Variants in NR6A1 observed in about 807,000 individuals in gnomAD.
NR6A1 encodes the protein nuclear receptor subfamily 6 group A member 1, also known as retinoic acid receptor-related testis-associated receptor.
A neutral mutation model predicts 59.1 loss-of-function variants in NR6A1; 7 were observed. The observed-to-expected ratio is 0.12, with a 90% confidence interval of 0.07 to 0.22. NR6A1 has a LOEUF of 0.22. NR6A1 is among the 10% of genes least tolerant of loss of function. The pLI, the probability that NR6A1 is intolerant of heterozygous loss-of-function variation, is 1.00. For missense variants in NR6A1, 468 were observed against 611.6 expected, an observed-to-expected ratio of 0.77 and a Z score of 2.48; for synonymous variants, 243 against 236.1, an observed-to-expected ratio of 1.03 and a Z score of -0.27.
chr9:124,631,993 T>A (rs1474310193), intron 2 of NR6A1, among the ~76,000 whole-genome samples: 2 of 152,202 alleles, frequency 1.3e-5, no homozygotes, highest in Admixed American at 6.5e-5. Flanking sequence ...GCAAAAGACA[T>A]GATCTTGTAT....
At chr9:124,705,625 C>T (rs1338845942) in intron 2 of NR6A1, among the ~76,000 whole-genome samples, 1 of 152,178 alleles carries the variant, frequency 6.6e-6, no homozygotes, top group Non-Finnish European at 1.5e-5. Context: ...CTAACCATCT[C>T]TACCTTTTGA....
At chr9:124,673,366 T>C (rs1412321817) in intron 2 of NR6A1, among the ~76,000 whole-genome samples, 1 of 152,038 alleles carries the variant, frequency 6.6e-6, no homozygotes, top group Non-Finnish European at 1.5e-5. Context: ...GGTTCTCCCA[T>C]AAAACTCCCA....
At chr9:124,647,583 C>G (rs1351367259) in intron 2 of NR6A1, among the ~76,000 whole-genome samples, 1 of 151,824 alleles carries the variant, frequency 6.6e-6, no homozygotes, top group Non-Finnish European at 1.5e-5. Context: ...CAAAAATTAG[C>G]TGGGCGTGGT....
At chr9:124,659,677 A>C (rs1040750425) in intron 2 of NR6A1, among the ~76,000 whole-genome samples, 6 of 152,234 alleles carry the variant, frequency 3.9e-5, no homozygotes, top group African/African-American at 1.4e-4. Flanking sequence ...AAAGAAACCT[A>C]AAAGTCTCCT....
At chr9:124,684,878 A>G (rs2131003470) in intron 2 of NR6A1, among the ~76,000 whole-genome samples, 1 of 152,222 alleles carries the variant, frequency 6.6e-6, no homozygotes, top group Non-Finnish European at 1.5e-5. Flanking sequence ...TCAATGGTCC[A>G]TTTACAATAG....
intron 2 of NR6A1, among the ~76,000 whole-genome samples, chr9:124,563,510 A>G (rs922677500): frequency 3.9e-5 from 6 of 152,248 alleles, no homozygotes; most frequent in Non-Finnish European, 5.9e-5. Context: ...AAATAATATT[A>G]GTACTTACCT....
intron 2 of NR6A1, among the ~76,000 whole-genome samples, chr9:124,570,251 T>A (rs960358312): frequency 6.6e-6 from 1 of 151,984 alleles, no homozygotes. Context: ...CCCTTTCCCC[T>A]CCAGCCTGCT....
rs1832810234 is a variant in NR6A1, at chr9:124,521,881, G to A, written c.*824C>T. On this transcript the variant is annotated 3_prime_UTR_variant, in exon 10 of 10. Transcript: ENST00000487099. ...AACTAGGTAGCTGGGGGCCCCGAGG[G>A]AGCTGGGAGGCGAGTCCTGTGGATC... 6.6e-6 allele frequency: 1 copy of A among 152,296 alleles called. No individual in the cohort carries two copies. Among genetic ancestry groups the A allele is most frequent in the South Asian group, 2.1e-4 (1 of 4,816 alleles). 9.4% of individuals were successfully genotyped at this position (152,296 alleles called of 1,614,324 possible). A position where few individuals can be genotyped will look rare whatever the true frequency, so the allele number is the denominator to read the frequency against.
chr9:124,693,160 C>T (rs1159937286), intron 2 of NR6A1, among the ~76,000 whole-genome samples: 3 of 152,150 alleles, frequency 2.0e-5, no homozygotes, highest in African/African-American at 7.2e-5. Flanking sequence ...TGGGATGAAT[C>T]TTGGCTCAAG....
chr9:124,665,723 A>C (rs1251773930), intron 2 of NR6A1, among the ~76,000 whole-genome samples: 5 of 152,200 alleles, frequency 3.3e-5, no homozygotes, highest in Admixed American at 2.0e-4. Flanking sequence ...GGTAGTACTC[A>C]ACCCATGACT....
intron 6 of NR6A1, among the ~76,000 whole-genome samples, chr9:124,537,070 ATTTTTTTTT>A (rs111541971): frequency 7.3e-6 from 1 of 136,624 alleles, no homozygotes; most frequent in African/African-American, 2.9e-5. Flanking sequence ...CCACATCTAA[ATTTTTTTTT>A]TTTTTTTTTT....
intron 7 of NR6A1, among the ~76,000 whole-genome samples, chr9:124,534,954 C>G (rs927467657): frequency 1.3e-5 from 2 of 152,060 alleles, no homozygotes; most frequent in African/African-American, 2.4e-5. Flanking sequence ...GAAACCCCAT[C>G]TCTACTAAAT....
At chr9:124,589,206 G>T (rs1835031323) in intron 2 of NR6A1, among the ~76,000 whole-genome samples, 1 of 152,170 alleles carries the variant, frequency 6.6e-6, no homozygotes. Context: ...CAGCACTTTG[G>T]GTGGCTGAGG....
chr9:124,573,458 A>G, intron 2 of NR6A1, among the ~76,000 whole-genome samples: 1 of 152,186 alleles, frequency 6.6e-6, no homozygotes. Context: ...TACTAGACCT[A>G]ACTCCGCTCT....
intron 1 of NR6A1, among the ~76,000 whole-genome samples, chr9:124,755,485 T>C (rs918301223): frequency 2.0e-5 from 3 of 152,214 alleles, no homozygotes; most frequent in African/African-American, 7.2e-5. Context: ...ACCTTACCGC[T>C]TGCTCAAACT....
chr9:124,752,267 TCAAA>T (rs983172309), intron 1 of NR6A1, among the ~76,000 whole-genome samples: 1 of 152,100 alleles, frequency 6.6e-6, no homozygotes, highest in Non-Finnish European at 1.5e-5. Context: ...AGACTCTGTC[TCAAA>T]CAAACAAAAA....
intron 2 of NR6A1, among the ~76,000 whole-genome samples, chr9:124,679,639 C>A (rs1382228311): frequency 6.6e-6 from 1 of 152,006 alleles, no homozygotes; most frequent in Non-Finnish European, 1.5e-5. Context: ...GCCTGTAATT[C>A]CAGCACTTTG....
chr9:124,759,637 T>C (rs1476418848), intron 1 of NR6A1, among the ~76,000 whole-genome samples: 2 of 152,202 alleles, frequency 1.3e-5, no homozygotes, highest in African/African-American at 4.8e-5. Flanking sequence ...TAAAAGACAT[T>C]GTACTCCTGC....
At chr9:124,630,534 C>T (rs1836401210) in intron 2 of NR6A1, among the ~76,000 whole-genome samples, 1 of 151,598 alleles carries the variant, frequency 6.6e-6, no homozygotes, top group Admixed American at 6.6e-5. Context: ...CTGCACCCAG[C>T]CCCAACTCGG....
Sources: gnomAD v4.1 joint callset for allele counts (sites outside exome capture counted in the v4.1 genomes callset) on GRCh38, gnomAD v4.1.1 for gene constraint, MANE v1.5 for transcripts, NCBI Gene and HGNC (gene_info 2026-07-23, HGNC 2026-07-21) for gene names.